MAP4K2: variants seen among roughly 807,000 people sequenced by gnomAD.
MAP4K2 encodes mitogen-activated protein kinase kinase kinase kinase 2, also known as B lymphocyte serine/threonine protein kinase.
MAP4K2 carries 85 observed loss-of-function variants against 125.3 expected under a neutral mutation model. That is an observed-to-expected ratio of 0.68 (90% CI 0.57 to 0.81). The LOEUF (loss-of-function observed/expected upper bound fraction) is 0.81. Among genes scored for constraint, MAP4K2 ranks in the 40% least tolerant of loss-of-function variants. The probability of loss-of-function intolerance (pLI) is 0.00; values close to 1 mark genes in which losing one functional copy is unlikely to be tolerated. For missense variants in MAP4K2, 923 were observed against 1,056.4 expected (o/e 0.87, Z 1.75); for synonymous variants, 479 against 445.1 (o/e 1.08, Z -0.96).
chr11:64,791,114 C>T (rs764276892), intron 27 of MAP4K2, among the ~76,000 whole-genome samples: 3 of 152,180 alleles, frequency 2.0e-5, no homozygotes, highest in Non-Finnish European at 4.4e-5. Flanking sequence ...CCAGCCTGGG[C>T]AACAGAGCAA....
Position 64,792,205 on chromosome 11 carries a change from C to G in MAP4K2, c.1881G>C (p.Trp627Cys), listed in dbSNP as rs1193193439. The part of the protein sequence containing the change: ...ALPTSLLLLQ[W>C]YEPLQKFLLL... ...GCAGAAACTTCTGCAGCGGCTCATA[C>G]CACTGCAGCAGGAGCAGGCTGGTGG... The change falls in exon 26 of 32, where the codon TGG (tryptophan) becomes TGC (cysteine). Residue 627 changes from tryptophan to cysteine, a missense_variant. Physicochemically the swap from Trp to Cys is radical, Grantham distance 215 (BLOSUM62 -2). Transcript: ENST00000294066. 1.2e-6 allele frequency: 2 copies of G among 1,612,218 alleles called. No homozygotes were observed. Among genetic ancestry groups the G allele is most frequent in the Non-Finnish European group, 1.7e-6 (2 of 1,179,698 alleles).
chr11:64,801,974 A>G (rs1401053143), intron 5 of MAP4K2, 92 bp downstream of exon 5: 1 of 1,377,856 alleles, frequency 7.3e-7, no homozygotes, highest in Non-Finnish European at 1.0e-6. Flanking sequence ...GCCCCACCCG[A>G]GGCACTCCAC....
chr11:64,795,273 G>A (rs192822216), intron 24 of MAP4K2, among the ~76,000 whole-genome samples: 150 of 151,620 alleles, frequency 9.9e-4, no homozygotes, highest in African/African-American at 3.6e-3. Flanking sequence ...CAGTAGAGAC[G>A]GGGTTTCACC....
At chr11:64,798,368 G>T (rs1449212257) in intron 15 of MAP4K2, among the ~76,000 whole-genome samples, 5 of 151,774 alleles carry the variant, frequency 3.3e-5, no homozygotes, top group Non-Finnish European at 5.9e-5. Context: ...CTTTCACCAT[G>T]TTGGCCAGGC....
intron 12 of MAP4K2, 145 bp downstream of exon 12, chr11:64,799,964 G>C: frequency 1.4e-6 from 1 of 723,258 alleles, no homozygotes; most frequent in Non-Finnish European, 2.3e-6. Context: ...AAGTCAGCAT[G>C]ACAGAGACTC....
chr11:64,802,740 C>T, intron 2 of MAP4K2, 87 bp from the exon 3 acceptor site: 4 of 1,476,768 alleles, frequency 2.7e-6, no homozygotes. Flanking sequence ...CAGAGTGCCT[C>T]CCTCCGGGCC....
At chr11:64,797,228 GCCC>G in intron 18 of MAP4K2, 36 bp from the exon 19 acceptor site, 1 of 1,607,212 alleles carries the variant, frequency 6.2e-7, no homozygotes, top group Non-Finnish European at 8.5e-7. Context: ...TCCTGCTGTA[GCCC>G]CCACCCTGGG....
chr11:64,799,101 A>G (rs1437071040), intron 14 of MAP4K2, among the ~76,000 whole-genome samples: 2 of 152,206 alleles, frequency 1.3e-5, no homozygotes, highest in Non-Finnish European at 2.9e-5. Flanking sequence ...AGAGACAGAA[A>G]GTCAGACCAC....
rs768732322 is a variant in MAP4K2, at chr11:64,796,476, C to A, written c.1633+17G>T. The A allele has an allele frequency of 6.2e-7, 1 of 1,613,860 alleles. No homozygotes were observed. Among genetic ancestry groups the A allele is most frequent in the Admixed American group, 1.7e-5 (1 of 60,024 alleles). On this transcript the variant is annotated intron_variant, in intron 23 of 31. Coordinates refer to ENST00000294066, the MANE Select transcript of MAP4K2 (RefSeq NM_004579.5). Reference sequence around the variant, plus strand: ...AGCCCCTGCGGACCCTGCCTCCCTGCCCATCCCACCTTGTACCTGAGAGTG... The same window carrying A: ...AGCCCCTGCGGACCCTGCCTCCCTGACCATCCCACCTTGTACCTGAGAGTG...
rs375639819 is a variant in MAP4K2, at chr11:64,797,112, C to T, written c.1357G>A (p.Asp453Asn). 1 of 1,614,180 alleles carries T rather than the reference C, an allele frequency of 6.2e-7. No homozygotes were observed. The highest frequency in any genetic ancestry group is 8.5e-7 in the Non-Finnish European group (1 of 1,180,018). ...CTGTAGCACCCTCTTACCTCAGGAT[C>T]CTCCCGCTGCTTCATGGTGGCCCAG... ...TAWATMKQRE[D>N]PERSSCHGLP... Residue 453 changes from aspartate (D) to asparagine (N), a missense_variant, in exon 19 of 32, where the codon GAT (aspartate) becomes AAT (asparagine). Coordinates refer to ENST00000294066, the MANE Select transcript of MAP4K2 (RefSeq NM_004579.5).
intron 10 of MAP4K2, 102 bp from the exon 11 acceptor site, chr11:64,800,494 C>T (rs896246978): frequency 2.2e-6 from 3 of 1,361,524 alleles, no homozygotes; most frequent in Admixed American, 2.0e-5. Context: ...CTGCTGGGCC[C>T]ACCCAGGAAG....
rs1344551759 is a variant in MAP4K2, at chr11:64,788,764, G to A, written c.*773C>T. On this transcript the variant is annotated 3_prime_UTR_variant, in exon 32 of 32. Coordinates refer to ENST00000294066, the MANE Select transcript of MAP4K2 (RefSeq NM_004579.5). Reference sequence around the variant, plus strand: ...ATGGGCAGCAGCCTCCATGGGAATGGAGGGAACAGCCCTCTGGGGGCTCCT... The same window carrying A: ...ATGGGCAGCAGCCTCCATGGGAATGAAGGGAACAGCCCTCTGGGGGCTCCT... 1 of 152,304 alleles carries A rather than the reference G, an allele frequency of 6.6e-6. No homozygotes were observed. The highest frequency in any genetic ancestry group is 1.9e-4 in the East Asian group (1 of 5,204). 9.4% of individuals were successfully genotyped at this position (152,304 alleles called of 1,614,324 possible).
chr11:64,802,019 A>G (rs765245003), intron 5 of MAP4K2, 47 bp downstream of exon 5: 1 of 1,583,442 alleles, frequency 6.3e-7, no homozygotes, highest in South Asian at 1.1e-5. Context: ...CTCCTGGCCC[A>G]CAGCTTCTGG....
chr11:64,794,352 T>C (rs1301836284), intron 24 of MAP4K2, among the ~76,000 whole-genome samples: 2 of 131,710 alleles, frequency 1.5e-5, no homozygotes, highest in African/African-American at 2.7e-5. Context: ...CTGACTGTTT[T>C]TCTCTTCTGT....
chr11:64,795,135 G>A (rs1421366073), intron 24 of MAP4K2, among the ~76,000 whole-genome samples: 1 of 149,024 alleles, frequency 6.7e-6, no homozygotes, highest in Non-Finnish European at 1.5e-5. Context: ...CCTGGCTGGA[G>A]TGCAGTGGTG....
intron 4 of MAP4K2, 62 bp from the exon 5 acceptor site, chr11:64,802,183 A>G: frequency 6.8e-7 from 1 of 1,469,254 alleles, no homozygotes; most frequent in Non-Finnish European, 9.5e-7. Context: ...CTCCCAGGCT[A>G]CCGTGTGTGG....
rs759199519 is a variant in MAP4K2 at position 64,786,187 on chromosome 11, T to A, written c.*3350A>T. ...CATTTTGTTTTTGAGCTTTATAATA[T>A]GCTATCGTACTGTGCATAAAGTGCT... On this transcript the variant is annotated 3_prime_UTR_variant, in exon 32 of 32. Transcript: ENST00000294066. 6.6e-6 allele frequency: 1 copy of A among 152,244 alleles called. No individual in the cohort carries two copies. The highest frequency in any genetic ancestry group is 6.5e-5 in the Admixed American group (1 of 15,276). The allele number at this position is 152,244 out of a possible 1,614,324, so 9.4% of individuals were successfully genotyped here.
intron 5 of MAP4K2, 78 bp from the exon 6 acceptor site, chr11:64,801,835 C>A (rs1241527951): frequency 1.3e-6 from 2 of 1,490,522 alleles, no homozygotes; most frequent in African/African-American, 1.4e-5. Flanking sequence ...AGGACTGGGG[C>A]CCCCCACTCA....
At position 64,802,898 on chromosome 11, in the gene MAP4K2, G is replaced by A. The variant is rs769670394; in HGVS notation, c.141C>T (p.Val47=). ...CCGGGCCCTCACCTGGGTCTAGCTT[G>A]ACTATCTTCACGGCGGCCAGTTCGG... ...VTSELAAVKI[V]KLDPGDDISS... The change falls in exon 2 of 32, where the codon GTC becomes GTT. Residue 47 remains valine, a synonymous_variant. Coordinates refer to ENST00000294066, the MANE Select transcript of MAP4K2 (RefSeq NM_004579.5). The A allele has an allele frequency of 1.9e-6, 3 of 1,601,562 alleles. No homozygotes were observed. In the African/African-American group the frequency reaches 4.0e-5, roughly 21 times the overall value.
Sources: gnomAD v4.1 joint callset for allele counts (sites outside exome capture counted in the v4.1 genomes callset) on GRCh38, gnomAD v4.1.1 for gene constraint, MANE v1.5 for transcripts, NCBI Gene and HGNC (gene_info 2026-07-23, HGNC 2026-07-21) for gene names.